Variants in PARP9 observed in about 807,000 individuals in gnomAD.
PARP9 encodes the protein poly(ADP-ribose) polymerase family member 9.
A neutral mutation model predicts 68.8 loss-of-function variants in PARP9; 48 were observed. The ratio of observed to expected loss-of-function variants is 0.70; its 90% CI spans 0.55 to 0.89. PARP9 has a LOEUF of 0.89. PARP9 is among the 40% of genes least tolerant of loss of function. The probability of loss-of-function intolerance (pLI) is 0.00; values close to 1 mark genes in which losing one functional copy is unlikely to be tolerated. For synonymous variants in PARP9, 309 were observed against 333.8 expected, an observed-to-expected ratio of 0.93 and a Z score of 0.81; for missense variants, 806 against 969.3, an observed-to-expected ratio of 0.83 and a Z score of 2.24.
chr3:122,558,690 G>A (rs892569272), intron 2 of PARP9, among the ~76,000 whole-genome samples: 2 of 152,020 alleles, frequency 1.3e-5, no homozygotes, highest in South Asian at 4.1e-4. Context: ...CCTAGGGGCC[G>A]ATGCATTTCT....
At chr3:122,531,616 T>C (rs940627062) in intron 10 of PARP9, among the ~76,000 whole-genome samples, 1 of 152,158 alleles carries the variant, frequency 6.6e-6, no homozygotes, top group African/African-American at 2.4e-5. Flanking sequence ...TGTATGTATC[T>C]ATATGTTTGT....
chr3:122,542,960 G>A lies in PARP9; in HGVS notation c.1385-2108C>T, dbSNP rs186852639. Among the ~76,000 whole-genome samples, 32 of 152,200 alleles carry A rather than the reference G, an allele frequency of 2.1e-4. No individual in the cohort carries two copies. The East Asian group carries it at 5.8e-3, about 28-fold the overall frequency. On this transcript the variant is annotated intron_variant, in intron 7 of 10. Coordinates refer to ENST00000682323, the MANE Select transcript of PARP9 (RefSeq NM_001146105.2). ...CTCCCTCCGTTGCCCAAGCTGGAGTGCAGTGGCACAATCTCAGCTCACTGC... is the reference window on the plus strand; with the variant it reads ...CTCCCTCCGTTGCCCAAGCTGGAGTACAGTGGCACAATCTCAGCTCACTGC...
chr3:122,546,826 T>C (rs2078733202), intron 6 of PARP9, among the ~76,000 whole-genome samples: 1 of 151,724 alleles, frequency 6.6e-6, no homozygotes, highest in Non-Finnish European at 1.5e-5. Context: ...GCCATGTAAC[T>C]AGCTGTGTGC....
Position 122,534,141 on chromosome 3 carries a change from T to C in PARP9, c.2080+2027A>G, listed in dbSNP as rs530375293. The C allele has an allele frequency of 1.3e-5, 11 of 860,186 alleles. No homozygotes were observed. In the South Asian group the frequency reaches 3.2e-4, roughly 25 times the overall value. The allele number at this position is 860,186 out of a possible 1,614,324, so 53.3% of individuals were successfully genotyped here. On this transcript the variant is annotated intron_variant, in intron 10 of 10. Coordinates refer to ENST00000682323, the MANE Select transcript of PARP9 (RefSeq NM_001146105.2). ...GCAGGTAAGAGACCAAAATCTTGAG[T>C]TGAAAGACTATATGGAGACAAGATC...
chr3:122,559,397 T>C (rs1159580731), intron 2 of PARP9, among the ~76,000 whole-genome samples: 2 of 152,242 alleles, frequency 1.3e-5, no homozygotes, highest in African/African-American at 4.8e-5. Flanking sequence ...TGAAAAATCA[T>C]CCAGCTTCAA....
intron 7 of PARP9, among the ~76,000 whole-genome samples, chr3:122,543,003 T>C (rs2078380335): frequency 1.3e-5 from 2 of 151,910 alleles, no homozygotes; most frequent in Non-Finnish European, 2.9e-5. Flanking sequence ...GCCTCCTGGG[T>C]TCAAGCGATT....
chr3:122,560,655 G>T (rs958256092), intron 1 of PARP9, among the ~76,000 whole-genome samples: 3 of 152,104 alleles, frequency 2.0e-5, no homozygotes, highest in African/African-American at 7.2e-5. Context: ...CAAAGTGCTG[G>T]GATTACAGGC....
At chr3:122,545,562 G>GAA in intron 6 of PARP9, 73 bp from the exon 7 acceptor site, 2 of 1,352,750 alleles carry the variant, frequency 1.5e-6, no homozygotes, top group Non-Finnish European at 2.1e-6. Flanking sequence ...CTCCCTCTCT[G>GAA]CACACACAGC....
rs948189424 is a variant in PARP9 at position 122,536,325 on chromosome 3, A to G, written c.1923T>C (p.Asn641=). The change falls in exon 10 of 11, where the codon AAT becomes AAC. Residue 641 remains asparagine (N), a synonymous_variant. Coordinates refer to ENST00000682323, the MANE Select transcript of PARP9 (RefSeq NM_001146105.2). ...LQVLKVEKID[N]EVLMAAFQRK... ...TTTGAAAGGCAGCCATAAGGACCTC[A>G]TTGTCTATCTTCTCCACCTAGAACC... 2 of 1,614,016 alleles carry G rather than the reference A, an allele frequency of 1.2e-6. No individual in the cohort carries two copies. Among genetic ancestry groups the G allele is most frequent in the African/African-American group, 2.7e-5 (2 of 74,908 alleles).
chr3:122,539,535 CT>C (rs1293175541), intron 8 of PARP9, among the ~76,000 whole-genome samples: 1 of 34,178 alleles, frequency 2.9e-5, no homozygotes, highest in East Asian at 1.3e-3. Context: ...TTCTTTCTTT[CT>C]TTCTTTCTTT....
At chr3:122,532,276 G>C in intron 10 of PARP9, 2 of 985,304 alleles carry the variant, frequency 2.0e-6, no homozygotes, top group Non-Finnish European at 2.4e-6. Context: ...AAAAGACATA[G>C]AGTGGCCTGT....
chr3:122,529,755 A>C (rs576657496), intron 10 of PARP9, among the ~76,000 whole-genome samples: 319 of 146,390 alleles, frequency 2.2e-3, no homozygotes, highest in African/African-American at 5.9e-3. Context: ...CTCCGTCCCA[A>C]AAAAAAAAAA....
At chr3:122,541,889 T>G (rs1024801278) in intron 7 of PARP9, among the ~76,000 whole-genome samples, 3 of 152,142 alleles carry the variant, frequency 2.0e-5, no homozygotes, top group Non-Finnish European at 4.4e-5. Flanking sequence ...CAGTGGAAAT[T>G]CTCATCTTTC....
chr3:122,549,845 A>T (rs1015569409), intron 6 of PARP9, among the ~76,000 whole-genome samples: 1 of 152,260 alleles, frequency 6.6e-6, no homozygotes, highest in African/African-American at 2.4e-5. Flanking sequence ...TGGATTTGAG[A>T]TGACGGTCAG....
chr3:122,562,225 C>T (rs2080285661), intron 1 of PARP9, among the ~76,000 whole-genome samples: 1 of 147,924 alleles, frequency 6.8e-6, no homozygotes, highest in African/African-American at 2.6e-5. Context: ...GAGTCTTACT[C>T]TGTCGCCCAG....
At chr3:122,552,685 C>G (rs762296304) in intron 4 of PARP9, 46 bp from the exon 5 acceptor site, 28 of 1,378,204 alleles carry the variant, frequency 2.0e-5, no homozygotes, top group South Asian at 1.1e-4. Context: ...ATTCCTTCTT[C>G]TTAAATGACT....
chr3:122,552,632 A>T lies in PARP9; in HGVS notation c.893T>A (p.Val298Glu). Residue 298 changes from valine to glutamate, a missense_variant, in exon 5 of 11, where the codon GTA (valine) becomes GAA (glutamate). Coordinates refer to ENST00000682323, the MANE Select transcript of PARP9 (RefSeq NM_001146105.2). The stretch of plus-strand genomic sequence containing the variant: ...ATGTGGGTTTACAGAATTAACAATT[A>T]CATCTGCCTGAAAAGGGAAGAAAGG... Reference protein sequence around the residue: ...QGHIEWQTADVIVNSVNPHDI... With the variant: ...QGHIEWQTADEIVNSVNPHDI... The T allele has an allele frequency of 6.2e-7, 1 of 1,606,392 alleles. No homozygotes were observed.
At chr3:122,550,243 C>G (rs567307163) in intron 6 of PARP9, among the ~76,000 whole-genome samples, 1 of 152,122 alleles carries the variant, frequency 6.6e-6, no homozygotes, top group Non-Finnish European at 1.5e-5. Flanking sequence ...CCACGCCCAG[C>G]TAATTTTGTA....
rs1054956010 is a variant in PARP9, at chr3:122,555,531, T to G, written c.640A>C (p.Asn214His). ...LSSGIFQFPL[N>H]LCTKTIVETI... Reference sequence around the variant, plus strand: ...TCTACAATAGTCTTTGTACACAAATTCAGAGGGAACTGAAAAATCCCAGAG... The same window carrying G: ...TCTACAATAGTCTTTGTACACAAATGCAGAGGGAACTGAAAAATCCCAGAG... The change falls in exon 4 of 11, where the codon AAT (asparagine) becomes CAT (histidine). Residue 214 changes from asparagine to histidine, a missense_variant. Asn to His is a moderately conservative substitution (Grantham distance 68, BLOSUM62 1). Coordinates refer to ENST00000682323, the MANE Select transcript of PARP9 (RefSeq NM_001146105.2). 1 of 1,614,192 alleles carries G rather than the reference T, an allele frequency of 6.2e-7. No individual in the cohort carries two copies.
Sources: gnomAD v4.1 joint callset for allele counts (sites outside exome capture counted in the v4.1 genomes callset) on GRCh38, gnomAD v4.1.1 for gene constraint, MANE v1.5 for transcripts, NCBI Gene and HGNC (gene_info 2026-07-23, HGNC 2026-07-21) for gene names.